SAMSN1: variants seen among roughly 807,000 people sequenced by gnomAD.
SAMSN1 encodes the protein SAM domain, SH3 domain and nuclear localization signals 1.
A neutral mutation model predicts 42.0 loss-of-function variants in SAMSN1; 31 were observed. The observed-to-expected ratio is 0.74, with a 90% confidence interval of 0.55 to 1.00. The LOEUF (loss-of-function observed/expected upper bound fraction) is 1.00, where lower values mean the gene tolerates loss of function less well. Among genes scored for constraint, SAMSN1 ranks in the 50% least tolerant of loss-of-function variants. The probability of loss-of-function intolerance (pLI) is 0.00; values close to 1 mark genes in which losing one functional copy is unlikely to be tolerated. For missense variants in SAMSN1, 464 were observed against 439.4 expected, an observed-to-expected ratio of 1.06 and a Z score of -0.50; for synonymous variants, 178 against 151.9, an observed-to-expected ratio of 1.17 and a Z score of -1.26.
At chr21:14,491,992 A>AC (rs1555826436) in intron 7 of SAMSN1, among the ~76,000 whole-genome samples, 1 of 152,008 alleles carries the variant, frequency 6.6e-6, no homozygotes, top group East Asian at 1.9e-4. Context: ...ACGCTATATC[A>AC]TTTTTTTAAC....
intron 1 of SAMSN1, among the ~76,000 whole-genome samples, chr21:14,527,471 G>A (rs1290781044): frequency 6.6e-6 from 1 of 152,136 alleles, no homozygotes; most frequent in Non-Finnish European, 1.5e-5. Flanking sequence ...TTTATCCAGG[G>A]ATAAAGGCAA....
At chr21:14,609,710 A>T (rs1408118296) in intron 4 of SAMSN1, 3 of 603,548 alleles carry the variant, frequency 5.0e-6, no homozygotes, top group African/African-American at 1.8e-5. Context: ...GTTCTAGGTG[A>T]TGCAGGAAGT....
chr21:14,648,715 A>G (rs962945858), intron 1 of SAMSN1, among the ~76,000 whole-genome samples: 11 of 151,380 alleles, frequency 7.3e-5, no homozygotes, highest in Non-Finnish European at 1.3e-4. Context: ...CAAAACCACA[A>G]TGAGATACCA....
chr21:14,605,358 A>T (rs1354406427), intron 5 of SAMSN1, among the ~76,000 whole-genome samples: 2 of 152,208 alleles, frequency 1.3e-5, no homozygotes, highest in Admixed American at 1.3e-4. Context: ...CAGGGAGTTT[A>T]TTCCCATCTT....
At chr21:14,604,233 T>A (rs1335892606) in intron 5 of SAMSN1, among the ~76,000 whole-genome samples, 2 of 152,216 alleles carry the variant, frequency 1.3e-5, no homozygotes, top group African/African-American at 4.8e-5. Context: ...ATATGCAGGC[T>A]ATATTTTCCA....
At chr21:14,515,295 G>T (rs1213761015) in intron 3 of SAMSN1, among the ~76,000 whole-genome samples, 2 of 152,022 alleles carry the variant, frequency 1.3e-5, no homozygotes, top group Non-Finnish European at 2.9e-5. Flanking sequence ...AAGTAGAATT[G>T]GGAGTCCATA....
At chr21:14,586,538 G>T (rs756196113), upstream of SAMSN1, among the ~76,000 whole-genome samples, 1 of 152,124 alleles carries the variant, frequency 6.6e-6, no homozygotes, top group Non-Finnish European at 1.5e-5. Flanking sequence ...ATGGCATAGA[G>T]GAAGTAATAT....
At chr21:14,600,964 C>G (rs1260025007) in intron 6 of SAMSN1, among the ~76,000 whole-genome samples, 15 of 152,142 alleles carry the variant, frequency 9.9e-5, no homozygotes, top group Admixed American at 9.8e-4. Flanking sequence ...AACTACCAGA[C>G]ATAGAACTAT....
At chr21:14,618,557 G>A (rs1982903307) in intron 2 of SAMSN1, among the ~76,000 whole-genome samples, 1 of 152,174 alleles carries the variant, frequency 6.6e-6, no homozygotes. Context: ...TAAGCAGACT[G>A]TCACGTATAT....
chr21:14,566,997 A>G (rs1407423447), intron 2 of SAMSN1, among the ~76,000 whole-genome samples: 3 of 152,164 alleles, frequency 2.0e-5, no homozygotes, highest in African/African-American at 7.2e-5. Context: ...AGTAGGCTTT[A>G]TGATTAGTAA....
chr21:14,586,311 T>G (rs1981918141), upstream of SAMSN1, among the ~76,000 whole-genome samples: 1 of 150,230 alleles, frequency 6.7e-6, no homozygotes, highest in Non-Finnish European at 1.5e-5. Flanking sequence ...TCCTCAAATA[T>G]TTTTCAAATA....
intron 2 of SAMSN1, among the ~76,000 whole-genome samples, chr21:14,558,204 T>C (rs962989024): frequency 2.2e-4 from 34 of 152,248 alleles, no homozygotes; most frequent in African/African-American, 7.7e-4. Context: ...CTCAACTGTA[T>C]AGGTGTGCAC....
chr21:14,589,397 CTAGTA>C (rs1181864669), intron 7 of SAMSN1, among the ~76,000 whole-genome samples: 2 of 151,668 alleles, frequency 1.3e-5, no homozygotes, highest in African/African-American at 2.4e-5. Context: ...TACTAGTTAT[CTAGTA>C]TTGACAGCCA....
At chr21:14,534,721 T>C (rs1243826789) in intron 1 of SAMSN1, among the ~76,000 whole-genome samples, 1 of 152,124 alleles carries the variant, frequency 6.6e-6, no homozygotes, top group Non-Finnish European at 1.5e-5. Context: ...GAAGCATACA[T>C]ATGGTAATTT....
chr21:14,528,925 C>T (rs1396180397), intron 1 of SAMSN1, among the ~76,000 whole-genome samples: 2 of 152,162 alleles, frequency 1.3e-5, no homozygotes, highest in African/African-American at 4.8e-5. Flanking sequence ...AAACACAATC[C>T]CCCTCTGAGT....
chr21:14,617,197 A>G (rs990365940), intron 2 of SAMSN1, among the ~76,000 whole-genome samples: 1 of 152,172 alleles, frequency 6.6e-6, no homozygotes, highest in East Asian at 1.9e-4. Flanking sequence ...GGGAAGCATG[A>G]ATTAAGCCCT....
intron 2 of SAMSN1, among the ~76,000 whole-genome samples, chr21:14,518,525 T>C (rs922529632): frequency 2.6e-5 from 4 of 152,194 alleles, no homozygotes; most frequent in Non-Finnish European, 4.4e-5. Context: ...TTGAAGGACA[T>C]CTAGTTTAAC....
intron 1 of SAMSN1, among the ~76,000 whole-genome samples, chr21:14,526,860 C>G (rs993235504): frequency 6.6e-6 from 1 of 152,138 alleles, no homozygotes; most frequent in African/African-American, 2.4e-5. Flanking sequence ...TACAGGGTCT[C>G]TATGTAGAAA....
At chr21:14,502,575 C>T (rs2123695337) in intron 5 of SAMSN1, among the ~76,000 whole-genome samples, 1 of 152,264 alleles carries the variant, frequency 6.6e-6, no homozygotes, top group East Asian at 1.9e-4. Context: ...TCCACAAAAA[C>T]TCACCTCAGG....
Sources: gnomAD v4.1 joint callset for allele counts (sites outside exome capture counted in the v4.1 genomes callset) on GRCh38, gnomAD v4.1.1 for gene constraint, MANE v1.5 for transcripts, NCBI Gene and HGNC (gene_info 2026-07-23, HGNC 2026-07-21) for gene names.